DPH5: variants seen among roughly 807,000 people sequenced by gnomAD.
DPH5 encodes the protein diphthamide biosynthesis 5.
DPH5 carries 31 observed loss-of-function variants against 31.6 expected under a neutral mutation model. The ratio of observed to expected loss-of-function variants is 0.98; its 90% CI spans 0.74 to 1.32. The LOEUF is 1.32. Ranked by LOEUF, DPH5 falls within the 40% of genes most tolerant of loss-of-function variation. The pLI, the probability that DPH5 is intolerant of heterozygous loss-of-function variation, is 0.00. For synonymous variants in DPH5, 120 were observed against 115.0 expected (o/e 1.04, Z -0.28); for missense variants, 309 against 335.7 (o/e 0.92, Z 0.62).
chr1:101,016,081 G>A (rs12742862), intron 3 of DPH5, among the ~76,000 whole-genome samples: 14 of 152,162 alleles, frequency 9.2e-5, no homozygotes, highest in African/African-American at 3.4e-4. Context: ...CCAGCCAGGT[G>A]CAGTGGCTCA....
chr1:101,013,183 T>G (rs1007276743), intron 4 of DPH5, among the ~76,000 whole-genome samples: 1 of 152,188 alleles, frequency 6.6e-6, no homozygotes, highest in African/African-American at 2.4e-5. Context: ...ATATAAATGA[T>G]AGTAGCTAAG....
chr1:101,014,949 C>T (rs74106949), intron 3 of DPH5, among the ~76,000 whole-genome samples: 13 of 152,240 alleles, frequency 8.5e-5, no homozygotes, highest in African/African-American at 2.2e-4. Context: ...TCCTTCATAT[C>T]TTCAGGCTCC....
At chr1:101,002,915 C>T (rs900923082) in intron 4 of DPH5, among the ~76,000 whole-genome samples, 1 of 152,104 alleles carries the variant, frequency 6.6e-6, no homozygotes, top group Non-Finnish European at 1.5e-5. Flanking sequence ...AGCAGCTCAA[C>T]GTTTCTCAGT....
chr1:101,021,527 C>T (rs1660441178), intron 3 of DPH5, 114 bp downstream of exon 3: 1 of 1,053,638 alleles, frequency 9.5e-7, no homozygotes, highest in Non-Finnish European at 1.4e-6. Context: ...GCTTAAGTAA[C>T]CAGAGTTCCT....
At chr1:101,008,046 T>C (rs1659365380) in intron 4 of DPH5, among the ~76,000 whole-genome samples, 1 of 152,216 alleles carries the variant, frequency 6.6e-6, no homozygotes, top group Admixed American at 6.5e-5. Flanking sequence ...ATCCTAAAAT[T>C]TATTGAATGA....
chr1:101,000,776 A>G (rs1658800383), intron 5 of DPH5, among the ~76,000 whole-genome samples: 1 of 152,198 alleles, frequency 6.6e-6, no homozygotes, highest in African/African-American at 2.4e-5. Context: ...AATCGGTAAA[A>G]TTTCAGTGCC....
rs747029128 is a variant in DPH5 at position 101,001,582 on chromosome 1, A to T, written c.375T>A (p.Tyr125Ter). ...CAATAGAAACTGTCTCTCCAAACTTATATAACTAGAAAAAAAAACATTAAT... is the reference window on the plus strand; with the variant it reads ...CAATAGAAACTGTCTCTCCAAACTTTTATAACTAGAAAAAAAAACATTAAT... ...NAVGCCGLQL[Y>*]KFGETVSIVF... Residue 125 changes from tyrosine to a stop codon, truncating the protein, a stop_gained, in exon 5 of 8, where the codon TAT becomes TAA. Coordinates refer to ENST00000370109, the MANE Select transcript of DPH5 (RefSeq NM_015958.3). LOFTEE classifies it high-confidence loss of function. 1.3e-6 allele frequency: 2 copies of T among 1,569,932 alleles called. No homozygotes were observed. Among genetic ancestry groups the T allele is most frequent in the Non-Finnish European group, 1.7e-6 (2 of 1,148,600 alleles).
intron 4 of DPH5, among the ~76,000 whole-genome samples, chr1:101,005,527 G>C (rs573342462): frequency 5.9e-5 from 9 of 152,210 alleles, no homozygotes; most frequent in Non-Finnish European, 8.8e-5. Context: ...CCACACACTA[G>C]GTACATAAAG....
intron 4 of DPH5, among the ~76,000 whole-genome samples, chr1:101,011,110 G>A (rs1233546282): frequency 2.0e-5 from 3 of 152,154 alleles, no homozygotes; most frequent in Admixed American, 6.5e-5. Context: ...AAAGTAAAGA[G>A]AAAAAGGCCA....
chr1:101,012,711 T>C (rs1292567833), intron 4 of DPH5, among the ~76,000 whole-genome samples: 1 of 152,230 alleles, frequency 6.6e-6, no homozygotes, highest in East Asian at 1.9e-4. Context: ...AATTTAAACA[T>C]AACAACTAAG....
Position 101,025,469 on chromosome 1 carries a change from G to A in DPH5, c.-23-3C>T. 6.2e-7 allele frequency: 1 copy of A among 1,612,822 alleles called. No homozygotes were observed. The highest frequency in any genetic ancestry group is 8.5e-7 in the Non-Finnish European group (1 of 1,179,800). On this transcript the variant is annotated splice_region_variant and splice_polypyrimidine_tract_variant and intron_variant, in intron 1 of 7. Transcript: ENST00000370109. ...TTCAAACTTGAGGAGAAGAGAGACT[G>A]CAAGACGAAGTGGACAGAAAAACCG...
chr1:101,001,708 G>A (rs1013407573), intron 4 of DPH5, 121 bp from the exon 5 acceptor site: 1 of 768,882 alleles, frequency 1.3e-6, no homozygotes, highest in Non-Finnish European at 2.0e-6. Context: ...ATGGGTTGGG[G>A]ATCAAATCTG....
rs1322148282 is a variant in DPH5, at chr1:101,021,741, C to A, written c.160G>T (p.Val54Phe). 5 of 1,608,978 alleles carry A rather than the reference C, an allele frequency of 3.1e-6. No homozygotes were observed. Among genetic ancestry groups the A allele is most frequent in the Non-Finnish European group, 4.2e-6 (5 of 1,176,994 alleles). The change falls in exon 3 of 8, where the codon GTT (valine) becomes TTT (phenylalanine). Residue 54 changes from valine (V) to phenylalanine (F), a missense_variant. By Grantham distance (50) the Val-to-Phe change is conservative. Coordinates refer to ENST00000370109, the MANE Select transcript of DPH5 (RefSeq NM_015958.3). ...ALEEFYGRKL[V>F]VADREEVEQE... ...TCCACTTCTTCTCTATCAGCAACAA[C>A]CAATTTTCTTCCATAAAACTCTTCC... is the stretch of plus-strand genomic sequence containing the variant.
At chr1:100,999,110 C>T (rs963253710) in intron 5 of DPH5, among the ~76,000 whole-genome samples, 1 of 152,186 alleles carries the variant, frequency 6.6e-6, no homozygotes, top group Admixed American at 6.5e-5. Context: ...TAATTTCTAT[C>T]CTAAGAAATG....
rs768430351 is a variant in DPH5 at position 101,025,426 on chromosome 1, C to T, written c.18G>A (p.Gly6=). 2.5e-6 allele frequency: 4 copies of T among 1,614,148 alleles called. No homozygotes were observed. The South Asian group carries it at 4.4e-5, about 18-fold the overall frequency. The change falls in exon 2 of 8, where the codon GGG becomes GGA. Residue 6 remains glycine (G), a synonymous_variant. Coordinates refer to ENST00000370109, the MANE Select transcript of DPH5 (RefSeq NM_015958.3). MLYLI[G]LGLGDAKDIT... is the part of the protein sequence containing the mutation. Reference sequence around the variant, plus strand: ...TGTCCTTGGCATCTCCCAGGCCCAACCCGATGAGATAAAGCATTTCAAACT... The same window carrying T: ...TGTCCTTGGCATCTCCCAGGCCCAATCCGATGAGATAAAGCATTTCAAACT...
chr1:101,010,744 G>T (rs1033081075), intron 4 of DPH5, among the ~76,000 whole-genome samples: 1 of 152,082 alleles, frequency 6.6e-6, no homozygotes, highest in African/African-American at 2.4e-5. Flanking sequence ...AAGAGAGCAT[G>T]GCAAGATAAC....
At chr1:101,021,599 A>T (rs1660446094) in intron 3 of DPH5, 42 bp downstream of exon 3, 1 of 1,578,390 alleles carries the variant, frequency 6.3e-7, no homozygotes, top group East Asian at 2.3e-5. Context: ...GATTAAAAAA[A>T]AGTAAATGAG....
At chr1:101,003,165 T>C (rs1378554229) in intron 4 of DPH5, among the ~76,000 whole-genome samples, 1 of 152,186 alleles carries the variant, frequency 6.6e-6, no homozygotes, top group East Asian at 1.9e-4. Context: ...CTCCAAGTAT[T>C]GAGTCATGAA....
chr1:101,021,817 AACACACACACACACACACAC>A (rs67726104), intron 2 of DPH5, 52 bp from the exon 3 acceptor site: 29 of 739,010 alleles, frequency 3.9e-5, no homozygotes, highest in Admixed American at 5.8e-5. Context: ...TGACCATTCT[AACACACACACACACACACAC>A]ACACACACAC....
Sources: allele counts gnomAD v4.1 joint callset (sites outside exome capture counted in the v4.1 genomes callset), GRCh38; gene constraint gnomAD v4.1.1; transcripts MANE v1.5; gene names NCBI Gene and HGNC (gene_info 2026-07-23, HGNC 2026-07-21).